FAM162A: variants seen among roughly 807,000 people sequenced by gnomAD.
FAM162A encodes family with sequence similarity 162 member A.
FAM162A carries 23 observed loss-of-function variants against 21.8 expected under a neutral mutation model. The observed-to-expected ratio is 1.05, with a 90% CI of 0.76 to 1.49. The LOEUF (loss-of-function observed/expected upper bound fraction) is 1.49. Ranked by LOEUF, FAM162A falls within the 40% of genes most tolerant of loss-of-function variation. FAM162A has a pLI of 0.00. For synonymous variants in FAM162A, 53 were observed against 61.3 expected, an observed-to-expected ratio of 0.86 and a Z score of 0.64; for missense variants, 165 against 186.4, an observed-to-expected ratio of 0.89 and a Z score of 0.67.
At chr3:122,388,608 G>A (rs2075585121) in intron 1 of FAM162A, among the ~76,000 whole-genome samples, 1 of 152,182 alleles carries the variant, frequency 6.6e-6, no homozygotes, top group Admixed American at 6.5e-5. Context: ...AAGAAGATTG[G>A]TCATAGAGGT....
intron 1 of FAM162A, 128 bp from the exon 2 acceptor site, chr3:122,402,632 A>G (rs2075657917): frequency 2.6e-6 from 2 of 754,794 alleles, no homozygotes; most frequent in Middle Eastern, 4.1e-4. Flanking sequence ...TATCTTACAT[A>G]TAGTAAATTC....
At chr3:122,401,318 A>C (rs1469101445) in intron 1 of FAM162A, 1 of 848,064 alleles carries the variant, frequency 1.2e-6, no homozygotes, top group African/African-American at 1.8e-5. Context: ...TTTGTTAAAC[A>C]TATGTCGATT....
At chr3:122,390,585 T>C (rs1277046478) in intron 1 of FAM162A, among the ~76,000 whole-genome samples, 1 of 152,194 alleles carries the variant, frequency 6.6e-6, no homozygotes, top group African/African-American at 2.4e-5. Context: ...GAGAAGCTGG[T>C]ACTTCAACCA....
Position 122,402,756 on chromosome 3 carries a change from T to G in FAM162A, c.35-4T>G, listed in dbSNP as rs1476280839. ...TCTTTGAAACATTTTCCTCTCTTTT[T>G]TAGGAAGCTGTTTTAGGTTATGTGA... On this transcript the variant is annotated splice_region_variant and splice_polypyrimidine_tract_variant and intron_variant, in intron 1 of 4. Transcript: ENST00000477892. 1 of 1,496,232 alleles carries G rather than the reference T, an allele frequency of 6.7e-7. No individual in the cohort carries two copies. Among genetic ancestry groups the G allele is most frequent in the East Asian group, 2.4e-5 (1 of 41,756 alleles). 92.7% of individuals were successfully genotyped at this position (1,496,232 alleles called of 1,614,324 possible). A position where few individuals can be genotyped will look rare whatever the true frequency, so the allele number is the denominator to read the frequency against.
In FAM162A at chr3:122,410,010, T is replaced by A. The variant is rs565723366; in HGVS notation, c.*179T>A. ...AATTTTCTTAAATAATGACTGTGTTTTATTGTTTTGATCCAAGTCAAGTGT... is the reference window on the plus strand; with the variant it reads ...AATTTTCTTAAATAATGACTGTGTTATATTGTTTTGATCCAAGTCAAGTGT... On this transcript the variant is annotated 3_prime_UTR_variant, in exon 5 of 5. Transcript: ENST00000477892. The A allele has an allele frequency of 1.2e-5, 8 of 664,818 alleles. No individual in the cohort carries two copies. The African/African-American group carries it at 1.4e-4, about 12-fold the overall frequency. The allele number at this position is 664,818 out of a possible 1,614,324, so 41.2% of individuals were successfully genotyped here. A position where few individuals can be genotyped will look rare whatever the true frequency, so the allele number is the denominator to read the frequency against.
At chr3:122,400,286 C>A (rs1394190017) in intron 1 of FAM162A, among the ~76,000 whole-genome samples, 1 of 152,154 alleles carries the variant, frequency 6.6e-6, no homozygotes, top group East Asian at 1.9e-4. Context: ...AAACCAAACA[C>A]TGCATGTTCT....
rs2075700240 is a variant in FAM162A, at chr3:122,410,544, G to T, written c.*713G>T. 6.6e-6 allele frequency: 1 copy of T among 152,404 alleles called. No individual in the cohort carries two copies. The allele number at this position is 152,404 out of a possible 1,614,324, so 9.4% of individuals were successfully genotyped here. ...ATCTCATGTATTATTACTGTTAGAA[G>T]TATTTGCACCTCATATATATCTCAT... On this transcript the variant is annotated 3_prime_UTR_variant, in exon 5 of 5. Transcript: ENST00000477892.
At chr3:122,386,209 G>C (rs1331490467) in intron 1 of FAM162A, among the ~76,000 whole-genome samples, 1 of 152,174 alleles carries the variant, frequency 6.6e-6, no homozygotes, top group Non-Finnish European at 1.5e-5. Context: ...TTTCAAGAAA[G>C]AAGACTGCTT....
At chr3:122,409,023 C>T (rs2075691311) in intron 4 of FAM162A, among the ~76,000 whole-genome samples, 1 of 151,268 alleles carries the variant, frequency 6.6e-6, no homozygotes, top group South Asian at 2.1e-4. Flanking sequence ...CGCTCCCCCA[C>T]CCCCCGCCAC....
chr3:122,404,847 CA>C (rs1286880876), intron 3 of FAM162A, among the ~76,000 whole-genome samples: 1 of 152,156 alleles, frequency 6.6e-6, no homozygotes, highest in Non-Finnish European at 1.5e-5. Flanking sequence ...GGAACTTTTT[CA>C]GAGTTTGTAG....
intron 1 of FAM162A, among the ~76,000 whole-genome samples, chr3:122,393,417 T>A (rs377667983): frequency 1.6e-4 from 25 of 152,108 alleles, no homozygotes; most frequent in African/African-American, 6.0e-4. Context: ...CTTGCTTTAT[T>A]CCTGTCTTCT....
chr3:122,410,220 C>G lies in FAM162A; in HGVS notation c.*389C>G, dbSNP rs961120305. 1 of 321,296 alleles carries G rather than the reference C, an allele frequency of 3.1e-6. No homozygotes were observed. The highest frequency in any genetic ancestry group is 2.2e-5 in the African/African-American group (1 of 45,496). The allele number at this position is 321,296 out of a possible 1,614,324, so 19.9% of individuals were successfully genotyped here. ...TATGGCCCAGGTGCAGCTTGGAGGG[C>G]CAGCCTTCTCAAATGTCCTGGTGTA... On this transcript the variant is annotated 3_prime_UTR_variant, in exon 5 of 5. Transcript: ENST00000477892.
chr3:122,403,640 C>A (rs1189264935), intron 2 of FAM162A, among the ~76,000 whole-genome samples: 1 of 152,206 alleles, frequency 6.6e-6, no homozygotes, highest in Non-Finnish European at 1.5e-5. Flanking sequence ...CCAACTGGGT[C>A]TTTTCCCGTC....
rs1461795162 is a variant in FAM162A, at chr3:122,384,304, G to C, written c.34+5G>C. 1.3e-6 allele frequency: 2 copies of C among 1,575,378 alleles called. No homozygotes were observed. The highest frequency in any genetic ancestry group is 1.7e-4 in the Middle Eastern group (1 of 5,982). On this transcript the variant is annotated splice_donor_5th_base_variant and intron_variant, in intron 1 of 4. Transcript: ENST00000477892. ...GCGGTCTGCGCCTGGCAGCAGGTGAGACGCCGGTCGGGATATGGGAGGTAG... is the reference window on the plus strand; with the variant it reads ...GCGGTCTGCGCCTGGCAGCAGGTGACACGCCGGTCGGGATATGGGAGGTAG...
At chr3:122,406,799 C>T (rs2075677959) in intron 3 of FAM162A, among the ~76,000 whole-genome samples, 1 of 152,178 alleles carries the variant, frequency 6.6e-6, no homozygotes, top group Non-Finnish European at 1.5e-5. Context: ...CTGAATTGTG[C>T]TTTGTGTTGA....
At chr3:122,384,892 A>G (rs568988582) in intron 1 of FAM162A, among the ~76,000 whole-genome samples, 1 of 152,336 alleles carries the variant, frequency 6.6e-6, no homozygotes, top group Non-Finnish European at 1.5e-5. Flanking sequence ...GAAGTGTGTA[A>G]TTGAAGGATC....
chr3:122,404,399 T>C lies in FAM162A; in HGVS notation c.263+36T>C, dbSNP rs760982266. The C allele has an allele frequency of 4.3e-6, 5 of 1,158,916 alleles. No homozygotes were observed. In the East Asian group the frequency reaches 1.2e-4, roughly 28 times the overall value. 71.8% of individuals were successfully genotyped at this position (1,158,916 alleles called of 1,614,324 possible). A position where few individuals can be genotyped will look rare whatever the true frequency, so the allele number is the denominator to read the frequency against. The stretch of plus-strand genomic sequence containing the variant: ...AATTTAGTATTACAAGCAGCTTTCA[T>C]TTCTCACTGATCTAAGGGAAAAGCA... On this transcript the variant is annotated intron_variant, in intron 3 of 4. Transcript: ENST00000477892.
chr3:122,410,888 T>G lies in FAM162A; in HGVS notation c.*1057T>G, dbSNP rs1280120735. The G allele has an allele frequency of 6.6e-6, 1 of 152,252 alleles. No individual in the cohort carries two copies. Among genetic ancestry groups the G allele is most frequent in the African/African-American group, 2.4e-5 (1 of 41,460 alleles). The allele number at this position is 152,252 out of a possible 1,614,324, so 9.4% of individuals were successfully genotyped here. A position where few individuals can be genotyped will look rare whatever the true frequency, so the allele number is the denominator to read the frequency against. On this transcript the variant is annotated 3_prime_UTR_variant, in exon 5 of 5. Transcript: ENST00000477892. Reference sequence around the variant, plus strand: ...CTCTCTGGTGTATTCACACTGTATGTGCTAGCCGTCTCTGTTACGAGATCA... The same window carrying G: ...CTCTCTGGTGTATTCACACTGTATGGGCTAGCCGTCTCTGTTACGAGATCA...
At chr3:122,389,796 A>G (rs748638760) in intron 1 of FAM162A, among the ~76,000 whole-genome samples, 3 of 152,230 alleles carry the variant, frequency 2.0e-5, no homozygotes, top group Non-Finnish European at 2.9e-5. Flanking sequence ...CCTAAGTGCT[A>G]TGATTATGAG....
Sources: allele counts gnomAD v4.1 joint callset (sites outside exome capture counted in the v4.1 genomes callset), GRCh38; gene constraint gnomAD v4.1.1; transcripts MANE v1.5; gene names NCBI Gene and HGNC (gene_info 2026-07-23, HGNC 2026-07-21).